Variants in SRCAP observed in about 807,000 individuals in gnomAD.
SRCAP encodes Snf2 related CREBBP activator protein.
SRCAP carries 46 observed loss-of-function variants against 263.1 expected under a neutral mutation model. The observed-to-expected ratio is 0.17, with a 90% CI of 0.14 to 0.22. The LOEUF is 0.22. Ranked by LOEUF, SRCAP falls within the 10% of genes least tolerant of loss-of-function variation. The pLI is 1.00. For missense variants in SRCAP, 3,695 were observed against 4,181.9 expected (o/e 0.88, Z 3.21); for synonymous variants, 1,813 against 1,662.1 (o/e 1.09, Z -2.21).
At position 30,710,220 on chromosome 16, in the gene SRCAP, T is replaced by C. The variant is rs2052872755; in HGVS notation, c.1134+92T>C. On this transcript the variant is annotated intron_variant, in intron 8 of 33. Transcript: ENST00000262518. Reference sequence around the variant, plus strand: ...TCCGGGCTGTGAGGTTGGTTATGAGTTTTAGGAGTTCTGCTAGTAATGGAC... The same window carrying C: ...TCCGGGCTGTGAGGTTGGTTATGAGCTTTAGGAGTTCTGCTAGTAATGGAC... 4.5e-6 allele frequency: 6 copies of C among 1,333,762 alleles called. No homozygotes were observed. In the South Asian group the frequency reaches 8.6e-5, roughly 19 times the overall value. The allele number at this position is 1,333,762 out of a possible 1,614,324, so 82.6% of individuals were successfully genotyped here. A position where few individuals can be genotyped will look rare whatever the true frequency, so the allele number is the denominator to read the frequency against.
At position 30,704,291 on chromosome 16, in the gene SRCAP, C is replaced by G; in HGVS notation, c.282C>G (p.Ala94=). The G allele has an allele frequency of 1.9e-6, 3 of 1,611,932 alleles. No individual in the cohort carries two copies. The highest frequency in any genetic ancestry group is 1.1e-5 in the South Asian group (1 of 90,922). ...GCCCGAAGTGGGAGAAGAGCCATGC[C>G]GAAATTGCAGAACAGGCCAAGCATG... ...NKGPKWEKSH[A]EIAEQAKHEA... is the part of the protein sequence containing the mutation. The change falls in exon 4 of 34, where the codon GCC becomes GCG. Residue 94 remains alanine, a synonymous_variant. Coordinates refer to ENST00000262518, the MANE Select transcript of SRCAP (RefSeq NM_006662.3).
At chr16:30,734,767 A>G in intron 31 of SRCAP, 152 bp downstream of exon 31, 1 of 1,207,260 alleles carries the variant, frequency 8.3e-7, no homozygotes, top group Non-Finnish European at 1.1e-6. Context: ...CACATTGCTT[A>G]TTGGTTCACA....
chr16:30,721,560 G>A (rs890897333), intron 21 of SRCAP, 84 bp downstream of exon 21: 1 of 1,515,700 alleles, frequency 6.6e-7, no homozygotes, highest in African/African-American at 1.4e-5. Flanking sequence ...TAGGCAGCTG[G>A]GTCAGGCATG....
At position 30,700,656 on chromosome 16, in the gene SRCAP, C is replaced by T. The variant is rs565060960; in HGVS notation, c.-169C>T. The T allele has an allele frequency of 1.9e-6, 1 of 529,868 alleles. No individual in the cohort carries two copies. Among genetic ancestry groups the T allele is most frequent in the South Asian group, 2.9e-5 (1 of 34,004 alleles). 32.8% of individuals were successfully genotyped at this position (529,868 alleles called of 1,614,324 possible). A position where few individuals can be genotyped will look rare whatever the true frequency, so the allele number is the denominator to read the frequency against. On this transcript the variant is annotated 5_prime_UTR_variant, in exon 3 of 34. Coordinates refer to ENST00000262518, the MANE Select transcript of SRCAP (RefSeq NM_006662.3). ...GTGGACCTGAGCGGAGGCTGGGACGCCCTGGTGGGCCCCGGGCCCTGGAAG... is the reference window on the plus strand; with the variant it reads ...GTGGACCTGAGCGGAGGCTGGGACGTCCTGGTGGGCCCCGGGCCCTGGAAG...
chr16:30,722,475 C>G, intron 22 of SRCAP, 88 bp from the exon 23 acceptor site: 1 of 1,538,606 alleles, frequency 6.5e-7, no homozygotes, highest in Non-Finnish European at 8.9e-7. Flanking sequence ...TATTCCCTCT[C>G]TGTTCTTTTC....
At position 30,709,687 on chromosome 16, in the gene SRCAP, T is replaced by A; in HGVS notation, c.808T>A (p.Ser270Thr). The A allele has an allele frequency of 6.2e-7, 1 of 1,614,182 alleles. No homozygotes were observed. Among genetic ancestry groups the A allele is most frequent in the Non-Finnish European group, 8.5e-7 (1 of 1,180,036 alleles). ...AGSSPCLGSS[S>T]AASSPPPPAS... ...CTCTTCCCCTTGCCTCGGCTCTTCC[T>A]CAGCTGCCTCCAGTCCTCCACCCCC... The change falls in exon 7 of 34, where the codon TCA becomes ACA. Residue 270 changes from serine to threonine, a missense_variant. Ser to Thr is a moderately conservative substitution (Grantham distance 58). Transcript: ENST00000262518.
chr16:30,729,322 G>A, intron 26 of SRCAP, 48 bp from the exon 27 acceptor site: 1 of 1,609,950 alleles, frequency 6.2e-7, no homozygotes. Flanking sequence ...AACTTCTGGG[G>A]CATTTCAGAG....
intron 16 of SRCAP, among the ~76,000 whole-genome samples, chr16:30,714,579 C>T (rs1234297087): frequency 7.2e-6 from 1 of 139,138 alleles, no homozygotes; most frequent in African/African-American, 2.7e-5. Flanking sequence ...TGGCTCATTG[C>T]AACCTCCACC....
At position 30,723,063 on chromosome 16, in the gene SRCAP, C is replaced by G. The variant is rs1342083585; in HGVS notation, c.3993C>G (p.Pro1331=). The change falls in exon 24 of 34, where the codon CCC becomes CCG. Residue 1331 remains proline (P), a synonymous_variant. Transcript: ENST00000262518. ...CTGTTCCTCCATTGGCCCCAGCACC[C>G]CGGCCTCCGAGCTCTGGGCTTCCAG... is the stretch of plus-strand genomic sequence containing the variant. ...LTPVPPLAPA[P]RPPSSGLPAV... 6.2e-7 allele frequency: 1 copy of G among 1,614,012 alleles called. No individual in the cohort carries two copies. Among genetic ancestry groups the G allele is most frequent in the Non-Finnish European group, 8.5e-7 (1 of 1,180,036 alleles).
At chr16:30,705,750 A>G (rs1021218869) in intron 4 of SRCAP, among the ~76,000 whole-genome samples, 1 of 147,724 alleles carries the variant, frequency 6.8e-6, no homozygotes, top group Non-Finnish European at 1.5e-5. Context: ...TCTTTCGCTG[A>G]GGCTGGAGTG....
chr16:30,735,136 ATTTTTTTTT>A (rs10532453), intron 31 of SRCAP, among the ~76,000 whole-genome samples: 1 of 106,506 alleles, frequency 9.4e-6, no homozygotes, highest in South Asian at 3.5e-4. Flanking sequence ...AGTACAAAGC[ATTTTTTTTT>A]TTTTTTTTTT....
At chr16:30,712,960 A>G (rs912818420) in intron 14 of SRCAP, 145 bp downstream of exon 14, 235 of 1,157,268 alleles carry the variant, frequency 2.0e-4, no homozygotes, top group Non-Finnish European at 7.7e-5. Context: ...GGGTCTCACT[A>G]TGTTACCCAA....
chr16:30,733,257 T>G lies in SRCAP; in HGVS notation c.6128-23T>G. The G allele has an allele frequency of 6.2e-7, 1 of 1,610,898 alleles. No homozygotes were observed. The highest frequency in any genetic ancestry group is 8.5e-7 in the Non-Finnish European group (1 of 1,179,338). On this transcript the variant is annotated intron_variant, in intron 27 of 33. Transcript: ENST00000262518. The surrounding 1 kb of genome is among the most constrained non-coding windows in gnomAD (Gnocchi z 5.3). ...CCATTGCGGCTTGTAGCTAGCTCCC[T>G]GTATCCCTTCATATCTCTTTAGGAA...
At chr16:30,727,705 C>T (rs1174420004) in intron 25 of SRCAP, among the ~76,000 whole-genome samples, 1 of 152,212 alleles carries the variant, frequency 6.6e-6, no homozygotes, top group Non-Finnish European at 1.5e-5. Flanking sequence ...GCTTGCACCA[C>T]CACGCCCAGC....
chr16:30,701,636 C>G (rs988371909), intron 3 of SRCAP, among the ~76,000 whole-genome samples: 2 of 136,768 alleles, frequency 1.5e-5, no homozygotes, highest in African/African-American at 5.5e-5. Context: ...TTTTTCTTTT[C>G]TTTTTTTTTT....
At chr16:30,726,298 T>G (rs567208790) in intron 25 of SRCAP, 1 of 152,364 alleles carries the variant, frequency 6.6e-6, no homozygotes, top group South Asian at 2.1e-4. Flanking sequence ...GCTTTATGGT[T>G]GTTATGAACA....
In SRCAP at chr16:30,724,442, C is replaced by T. The variant is rs779824702; in HGVS notation, c.5018C>T (p.Pro1673Leu). ...MLPAPVPSPLPSPASTQTLAL... is the reference protein window; with the variant it reads ...MLPAPVPSPLLSPASTQTLAL... ...CCAGCCCCGGTTCCGTCACCTCTCCCGAGCCCGGCTTCTACGCAGACACTG... is the reference window on the plus strand; with the variant it reads ...CCAGCCCCGGTTCCGTCACCTCTCCTGAGCCCGGCTTCTACGCAGACACTG... The change falls in exon 25 of 34, where the codon CCG becomes CTG. Residue 1673 changes from proline to leucine, a missense_variant. By Grantham distance (98) the Pro-to-Leu change is moderately conservative. Coordinates refer to ENST00000262518, the MANE Select transcript of SRCAP (RefSeq NM_006662.3). 76 of 1,614,098 alleles carry T rather than the reference C, an allele frequency of 4.7e-5. No individual in the cohort carries two copies. The highest frequency in any genetic ancestry group is 1.6e-4 in the Middle Eastern group (1 of 6,084).
chr16:30,719,332 C>G (rs1346814100), intron 18 of SRCAP, among the ~76,000 whole-genome samples: 1 of 151,690 alleles, frequency 6.6e-6, no homozygotes, highest in African/African-American at 2.4e-5. Flanking sequence ...TTCTCCATTT[C>G]AGCCTCCTGA....
intron 18 of SRCAP, among the ~76,000 whole-genome samples, chr16:30,718,147 A>G (rs1018768239): frequency 6.6e-6 from 1 of 152,054 alleles, no homozygotes; most frequent in South Asian, 2.1e-4. Context: ...CCCTGGGATT[A>G]TAGGCGTGAG....
Sources: allele counts gnomAD v4.1 joint callset (sites outside exome capture counted in the v4.1 genomes callset), GRCh38; gene constraint gnomAD v4.1.1; non-coding constraint Gnocchi (gnomAD v3.1); transcripts MANE v1.5; gene names NCBI Gene and HGNC (gene_info 2026-07-23, HGNC 2026-07-21).